The following KDM2A variants were observed in gnomAD, a reference collection of about 807,000 sequenced individuals.
The protein encoded by KDM2A is lysine-specific demethylase 2A.
KDM2A carries 3 observed loss-of-function variants against 137.3 expected under a neutral mutation model. The ratio of observed to expected loss-of-function variants is 0.02; its 90% CI spans 0.01 to 0.06. KDM2A has a LOEUF of 0.06. Among genes scored for constraint, KDM2A ranks in the 10% least tolerant of loss-of-function variants. KDM2A has a pLI of 1.00. For missense variants in KDM2A, 738 were observed against 1,510.6 expected (o/e 0.49, Z 8.48); for synonymous variants, 512 against 541.5 (o/e 0.95, Z 0.76).
At chr11:67,226,733 G>A (rs1858557982) in intron 10 of KDM2A, among the ~76,000 whole-genome samples, 2 of 152,204 alleles carry the variant, frequency 1.3e-5, no homozygotes, top group South Asian at 2.1e-4. Flanking sequence ...AAAAACAAAC[G>A]AAAATCAATC....
intron 12 of KDM2A, among the ~76,000 whole-genome samples, chr11:67,234,321 G>C (rs970149652): frequency 6.6e-6 from 1 of 152,168 alleles, no homozygotes; most frequent in Admixed American, 6.5e-5. Flanking sequence ...TTCAGTGGGG[G>C]ACAAAGCTAG....
intron 2 of KDM2A, among the ~76,000 whole-genome samples, chr11:67,178,054 T>G (rs1052294043): frequency 6.6e-6 from 1 of 152,196 alleles, no homozygotes; most frequent in Non-Finnish European, 1.5e-5. Context: ...ATAAGCAACA[T>G]TTTGAAAGTG....
rs563481806 is a variant in KDM2A, at chr11:67,228,413, C to T, written c.1084+250C>T. On this transcript the variant is annotated intron_variant, in intron 11 of 20. Transcript: ENST00000529006. ...AGCTCCTCAAGAAGGATGATCAAGCCGGACACGCTGGTTCACGCCTGTAAT... is the reference window on the plus strand; with the variant it reads ...AGCTCCTCAAGAAGGATGATCAAGCTGGACACGCTGGTTCACGCCTGTAAT... 3.9e-5 allele frequency among the ~76,000 whole-genome samples: 6 copies of T among 152,202 alleles called. No individual in the cohort carries two copies. In the South Asian group the frequency reaches 8.3e-4, roughly 21 times the overall value.
At chr11:67,195,965 C>A in intron 5 of KDM2A, 1 of 437,450 alleles carries the variant, frequency 2.3e-6, no homozygotes, top group South Asian at 2.0e-5. Flanking sequence ...TATCTTCTAT[C>A]AACTCAAGAT....
rs371994261 is a variant in KDM2A, at chr11:67,147,490, C to T, written c.42+26132C>T. The stretch of plus-strand genomic sequence containing the variant: ...CTGGGAGGTGGAGCTTGCAGTGAGC[C>T]GAGATCGCGCCACTGCACTCCAGCC... On this transcript the variant is annotated intron_variant, in intron 2 of 20. Coordinates refer to ENST00000529006, the MANE Select transcript of KDM2A (RefSeq NM_012308.3). 3.0e-3 allele frequency among the ~76,000 whole-genome samples: 452 copies of T among 150,512 alleles called. 4 individuals carry two copies. Among genetic ancestry groups the T allele is most frequent in the African/African-American group, 0.01 (426 of 41,034 alleles).
At chr11:67,142,201 T>C (rs1405044803) in intron 2 of KDM2A, among the ~76,000 whole-genome samples, 1 of 151,760 alleles carries the variant, frequency 6.6e-6, no homozygotes, top group Non-Finnish European at 1.5e-5. Context: ...CACGCCCGGC[T>C]AATTTCTGCA....
At chr11:67,181,640 TTAGG>T (rs1280361942) in intron 4 of KDM2A, among the ~76,000 whole-genome samples, 1 of 152,014 alleles carries the variant, frequency 6.6e-6, no homozygotes, top group East Asian at 1.9e-4. Flanking sequence ...TCTACCACCC[TTAGG>T]TAGATCATTA....
rs138916622 is a variant in KDM2A at position 67,225,710 on chromosome 11, G to A, written c.958-2327G>A. 1.9e-3 allele frequency among the ~76,000 whole-genome samples: 289 copies of A among 151,448 alleles called. No homozygotes were observed. In the East Asian group the frequency reaches 0.027, roughly 14 times the overall value. ...GCTTGAACTCAGAGGCACAGGTTGC[G>A]GTGAGCCGAGATCACACCACTGGAC... On this transcript the variant is annotated intron_variant, in intron 10 of 20. Transcript: ENST00000529006.
intron 5 of KDM2A, among the ~76,000 whole-genome samples, chr11:67,183,316 C>G (rs565314152): frequency 1.3e-5 from 2 of 152,330 alleles, no homozygotes; most frequent in Non-Finnish European, 1.5e-5. Flanking sequence ...TATTAAAGAG[C>G]CTCCAGGACA....
chr11:67,160,986 G>A (rs1287340137), intron 2 of KDM2A, among the ~76,000 whole-genome samples: 2 of 152,142 alleles, frequency 1.3e-5, no homozygotes, highest in African/African-American at 4.8e-5. Flanking sequence ...AAATTAGATG[G>A]AAGGAAAGAA....
intron 13 of KDM2A, chr11:67,243,711 AG>A (rs1859118497): frequency 6.6e-6 from 1 of 152,338 alleles, no homozygotes. Context: ...GCTACTTGCA[AG>A]GCTGGGGCAG....
intron 2 of KDM2A, among the ~76,000 whole-genome samples, chr11:67,128,855 A>G (rs1307962408): frequency 6.6e-6 from 1 of 152,206 alleles, no homozygotes; most frequent in Non-Finnish European, 1.5e-5. Context: ...ATTTGTTGAT[A>G]TTGTTGAAAG....
chr11:67,215,454 A>G lies in KDM2A; in HGVS notation c.593+8A>G, dbSNP rs376548434. On this transcript the variant is annotated splice_region_variant and intron_variant, in intron 7 of 20. Coordinates refer to ENST00000529006, the MANE Select transcript of KDM2A (RefSeq NM_012308.3). ...GTACCCTAAAGTGCAGAAGTAAGTGATGCGCCCTGCATCTTCCTCCGTGTG... is the reference window on the plus strand; with the variant it reads ...GTACCCTAAAGTGCAGAAGTAAGTGGTGCGCCCTGCATCTTCCTCCGTGTG... 1.9e-6 allele frequency: 3 copies of G among 1,572,262 alleles called. No homozygotes were observed. The highest frequency in any genetic ancestry group is 2.7e-5 in the African/African-American group (2 of 74,082).
At chr11:67,175,589 C>T (rs552495245) in intron 2 of KDM2A, among the ~76,000 whole-genome samples, 23 of 152,304 alleles carry the variant, frequency 1.5e-4, no homozygotes, top group Non-Finnish European at 3.2e-4. Context: ...TCCTTACATT[C>T]TCCCTATTGA....
At chr11:67,134,022 C>G (rs1323102037) in intron 2 of KDM2A, among the ~76,000 whole-genome samples, 1 of 152,188 alleles carries the variant, frequency 6.6e-6, no homozygotes. Flanking sequence ...GAAAACTGAC[C>G]TGTCCTTGTT....
In KDM2A at chr11:67,216,448, C is replaced by T. The variant is rs147314593; in HGVS notation, c.687+499C>T. On this transcript the variant is annotated intron_variant, in intron 8 of 20. Transcript: ENST00000529006. ...TTTTGAAGGATTATCTTTATTCATT[C>T]AGTTATATTCCAGCTTGTGAAAATG... is the stretch of plus-strand genomic sequence containing the variant. Among the ~76,000 whole-genome samples the T allele has an allele frequency of 5.4e-3, 816 of 152,294 alleles. 12 individuals carry two copies. Among genetic ancestry groups the T allele is most frequent in the African/African-American group, 0.018 (763 of 41,546 alleles).
intron 10 of KDM2A, among the ~76,000 whole-genome samples, chr11:67,224,321 A>G (rs938478470): frequency 2.0e-5 from 3 of 152,112 alleles, no homozygotes; most frequent in African/African-American, 7.2e-5. Context: ...AGAAAGCTGT[A>G]TGGCCAGATA....
Position 67,240,735 on chromosome 11 carries a change from G to A in KDM2A, c.1480-2274G>A, listed in dbSNP as rs560672833. ...GCTCTCCTATCCCAAACCCCCTCTAGTGAAGGGTGGTGGCTTCTTTATATG... is the reference window on the plus strand; with the variant it reads ...GCTCTCCTATCCCAAACCCCCTCTAATGAAGGGTGGTGGCTTCTTTATATG... On this transcript the variant is annotated intron_variant, in intron 12 of 20. Transcript: ENST00000529006. Among the ~76,000 whole-genome samples, 50 of 152,268 alleles carry A rather than the reference G, an allele frequency of 3.3e-4. No individual in the cohort carries two copies. In the East Asian group the frequency reaches 6.2e-3, roughly 19 times the overall value.
chr11:67,254,784 C>A lies in KDM2A; in HGVS notation c.3308-90C>A, dbSNP rs1401638304. The stretch of plus-strand genomic sequence containing the variant: ...TGGGACAAAGAGGGCTTTTGTTTAG[C>A]ATTTTGAAGGAAAGACGGCTACAGG... On this transcript the variant is annotated intron_variant, in intron 20 of 20. Transcript: ENST00000529006. The surrounding 1 kb of genome is among the most constrained non-coding windows in gnomAD (Gnocchi z 4.7). 273 of 1,247,610 alleles carry A rather than the reference C, an allele frequency of 2.2e-4. No individual in the cohort carries two copies. The highest frequency in any genetic ancestry group is 2.8e-4 in the Non-Finnish European group (244 of 882,758). 77.3% of individuals were successfully genotyped at this position (1,247,610 alleles called of 1,614,324 possible).
Sources: allele counts gnomAD v4.1 joint callset (sites outside exome capture counted in the v4.1 genomes callset), GRCh38; gene constraint gnomAD v4.1.1; non-coding constraint Gnocchi (gnomAD v3.1); transcripts MANE v1.5; gene names NCBI Gene and HGNC (gene_info 2026-07-23, HGNC 2026-07-21).